Variants in GLIS3 observed in about 807,000 individuals in gnomAD.
The protein encoded by GLIS3 is GLIS family zinc finger 3, also known as zinc finger protein GLIS3.
Under a neutral mutation model 78.6 loss-of-function variants are expected in GLIS3, and 53 were observed. The observed-to-expected ratio is 0.67, with a 90% CI of 0.54 to 0.85. The LOEUF is 0.85. Among genes scored for constraint, GLIS3 ranks in the 40% least tolerant of loss-of-function variants. GLIS3 has a pLI of 0.00. For missense variants in GLIS3, 1,703 were observed against 1,231.1 expected (o/e 1.38, Z -5.74); for synonymous variants, 684 against 509.9 (o/e 1.34, Z -4.60).
At chr9:4,421,760 T>C in the GLIS3 span, among the ~76,000 whole-genome samples, 16 of 152,194 alleles carry the variant, frequency 1.1e-4, no homozygotes, top group Non-Finnish European at 2.1e-4. Flanking sequence ...CACAAATATG[T>C]AAAGAGTACC....
At position 4,327,295 on chromosome 9, in the gene GLIS3, T is replaced by C. The variant is rs139854965; in HGVS notation, n.265-16767A>G. On this transcript the variant is annotated intron_variant and non_coding_transcript_variant, in intron 2 of 4. Transcript: ENST00000471664. ...TGGCCAGAGGACAGATGTCAGGGTG[T>C]AGGGCCATGTTGTATTCAGAGCAAA... Among the ~76,000 whole-genome samples, 588 of 152,176 alleles carry C rather than the reference T, an allele frequency of 3.9e-3. 3 individuals are homozygous for C. The highest frequency in any genetic ancestry group is 0.013 in the African/African-American group (544 of 41,504).
At chr9:4,344,578 C>A (rs1431860164) in intron 2 of GLIS3, among the ~76,000 whole-genome samples, 1 of 152,180 alleles carries the variant, frequency 6.6e-6, no homozygotes, top group Non-Finnish European at 1.5e-5. Flanking sequence ...CTCATCCAGT[C>A]TTCTGGCTTT....
At chr9:3,855,600 C>G (rs568588788) in intron 9 of GLIS3, 3 of 271,462 alleles carry the variant, frequency 1.1e-5, no homozygotes, top group African/African-American at 4.4e-5. Flanking sequence ...TGTCATTCCA[C>G]CTGCGCCTTG....
At chr9:4,156,821 T>G (rs113109993) in intron 2 of GLIS3, among the ~76,000 whole-genome samples, 4 of 151,916 alleles carry the variant, frequency 2.6e-5, no homozygotes, top group Non-Finnish European at 5.9e-5. Flanking sequence ...TAAGAGTGTC[T>G]CTGAAAAAAA....
At chr9:3,967,374 G>A (rs966743574) in intron 4 of GLIS3, among the ~76,000 whole-genome samples, 11 of 152,056 alleles carry the variant, frequency 7.2e-5, no homozygotes, top group Admixed American at 4.6e-4. Context: ...GTGGTTGCAC[G>A]TGCCTGTAGT....
At chr9:4,288,982 CTATTTA>C (rs1317486635) in intron 1 of GLIS3, among the ~76,000 whole-genome samples, 6 of 152,076 alleles carry the variant, frequency 3.9e-5, no homozygotes, top group African/African-American at 1.4e-4. Flanking sequence ...TAAATTTCAT[CTATTTA>C]TATGATAATA....
chr9:4,457,360 C>CA, the GLIS3 span, among the ~76,000 whole-genome samples: 105 of 125,578 alleles, frequency 8.4e-4, no homozygotes, highest in South Asian at 2.0e-3. Flanking sequence ...GACCTTGTCT[C>CA]AAAAAAAAAA....
At chr9:4,200,942 A>G (rs1314894517) in intron 2 of GLIS3, among the ~76,000 whole-genome samples, 1 of 152,178 alleles carries the variant, frequency 6.6e-6, no homozygotes, top group Non-Finnish European at 1.5e-5. Flanking sequence ...TCCTCAACAA[A>G]ATCTAGCAAA....
chr9:4,306,813 T>C (rs1437237391), intron 4 of GLIS3, among the ~76,000 whole-genome samples: 1 of 152,216 alleles, frequency 6.6e-6, no homozygotes, highest in Non-Finnish European at 1.5e-5. Flanking sequence ...CTAAATGCCA[T>C]TTAAAACTCT....
intron 4 of GLIS3, among the ~76,000 whole-genome samples, chr9:4,093,597 G>T (rs374958750): frequency 2.6e-5 from 4 of 152,252 alleles, no homozygotes; most frequent in South Asian, 4.1e-4. Context: ...TTATGGGCTT[G>T]GCCTTCTAGT....
In GLIS3 at chr9:3,898,853, AAGAG is replaced by A; in HGVS notation, c.1984-22_1984-19del. ...GACCGCAACTAAGAGGACAAAACGG[AAGAG>A]ACATCGATAAGGAGAGCCGGTCCTT... On this transcript the variant is annotated intron_variant, in intron 6 of 10. Transcript: ENST00000381971. 1 of 1,613,754 alleles carries A rather than the reference AAGAG, an allele frequency of 6.2e-7. No individual in the cohort carries two copies. The highest frequency in any genetic ancestry group is 1.1e-5 in the South Asian group (1 of 91,056).
intron 7 of GLIS3, among the ~76,000 whole-genome samples, chr9:3,886,567 T>C (rs1822087863): frequency 1.3e-5 from 2 of 152,212 alleles, no homozygotes; most frequent in South Asian, 4.1e-4. Flanking sequence ...TCCAAGAGCA[T>C]AAAGATCCAG....
At chr9:4,421,125 T>G in the GLIS3 span, among the ~76,000 whole-genome samples, 3 of 152,220 alleles carry the variant, frequency 2.0e-5, no homozygotes, top group Non-Finnish European at 4.4e-5. Context: ...ACTGCTGACT[T>G]GTAAAGCACT....
At position 4,286,158 on chromosome 9, in the gene GLIS3, T is replaced by C; in HGVS notation, c.268A>G (p.Met90Val). The change falls in exon 2 of 11, where the codon ATG (methionine) becomes GTG (valine). Residue 90 changes from methionine to valine, a missense_variant. Coordinates refer to ENST00000381971, the MANE Select transcript of GLIS3 (RefSeq NM_001042413.2). ...HLPALSPRRQMLTNGKPRFQV... is the reference protein window; with the variant it reads ...HLPALSPRRQVLTNGKPRFQV... ...AATCGCGGCTTCCCATTGGTGAGCA[T>C]TTGTCTCCTGGGGCTTAAGGCAGGC... 6.2e-7 allele frequency: 1 copy of C among 1,614,198 alleles called. No homozygotes were observed. Among genetic ancestry groups the C allele is most frequent in the Non-Finnish European group, 8.5e-7 (1 of 1,180,020 alleles).
chr9:4,112,366 T>C (rs980145471), intron 4 of GLIS3, among the ~76,000 whole-genome samples: 1 of 152,220 alleles, frequency 6.6e-6, no homozygotes, highest in Non-Finnish European at 1.5e-5. Flanking sequence ...CCATTGAGAA[T>C]AAGTAGAGAT....
intron 8 of GLIS3, among the ~76,000 whole-genome samples, chr9:3,869,833 C>G (rs1025293930): frequency 6.6e-6 from 1 of 152,120 alleles, no homozygotes; most frequent in Non-Finnish European, 1.5e-5. Context: ...ATGGAGACAT[C>G]TGGTAAATAG....
chr9:4,355,217 G>A, the GLIS3 span, among the ~76,000 whole-genome samples: 1 of 152,088 alleles, frequency 6.6e-6, no homozygotes, highest in African/African-American at 2.4e-5. Context: ...TGGATTTGGA[G>A]TTGGGCACAT....
chr9:4,202,427 AAAATAAAAT>A (rs1819488534), intron 2 of GLIS3, among the ~76,000 whole-genome samples: 2 of 11,800 alleles, frequency 1.7e-4, no homozygotes, highest in South Asian at 3.3e-3. Context: ...TCAGTCTCAA[AAAATAAAAT>A]AAAATAAAAT....
chr9:4,445,724 G>C, the GLIS3 span, among the ~76,000 whole-genome samples: 2 of 152,158 alleles, frequency 1.3e-5, no homozygotes, highest in Non-Finnish European at 2.9e-5. Context: ...CCTACTCATG[G>C]ACACAGCATG....
Sources: gnomAD v4.1 joint callset for allele counts (sites outside exome capture counted in the v4.1 genomes callset) on GRCh38, gnomAD v4.1.1 for gene constraint, MANE v1.5 for transcripts, NCBI Gene and HGNC (gene_info 2026-07-23, HGNC 2026-07-21) for gene names.